Variants in CDH18 observed in about 807,000 individuals in gnomAD.
CDH18 encodes cadherin 18, also known as cadherin-18.
A neutral mutation model predicts 67.9 loss-of-function variants in CDH18; 31 were observed. The ratio of observed to expected loss-of-function variants is 0.46; its 90% confidence interval spans 0.34 to 0.62. The LOEUF is 0.62. Ranked by LOEUF, CDH18 falls within the 20% of genes least tolerant of loss-of-function variation. CDH18 has a pLI of 0.01. For synonymous variants in CDH18, 362 were observed against 347.2 expected (o/e 1.04, Z -0.48); for missense variants, 890 against 975.5 (o/e 0.91, Z 1.17).
intron 2 of CDH18, among the ~76,000 whole-genome samples, chr5:20,064,409 T>C (rs1341633603): frequency 6.6e-6 from 1 of 152,196 alleles, no homozygotes; most frequent in Non-Finnish European, 1.5e-5. Context: ...TTCTTGTTTC[T>C]TGCTCTTAAT....
chr5:19,804,834 C>T (rs1777866991), intron 3 of CDH18, among the ~76,000 whole-genome samples: 1 of 152,132 alleles, frequency 6.6e-6, no homozygotes, highest in African/African-American at 2.4e-5. Context: ...CTTCTTCTAT[C>T]ACTAGTCAAT....
chr5:20,178,732 C>G (rs1737442328), intron 2 of CDH18, among the ~76,000 whole-genome samples: 1 of 151,924 alleles, frequency 6.6e-6, no homozygotes. Flanking sequence ...ATTTGCAGTT[C>G]TCAAAGCATT....
chr5:20,503,111 G>A (rs1754436049), intron 1 of CDH18, among the ~76,000 whole-genome samples: 1 of 151,764 alleles, frequency 6.6e-6, no homozygotes, highest in Non-Finnish European at 1.5e-5. Context: ...TCAACTATTA[G>A]TTTCACATTA....
chr5:20,454,438 GT>G (rs1750691519), intron 1 of CDH18, among the ~76,000 whole-genome samples: 1 of 152,028 alleles, frequency 6.6e-6, no homozygotes, highest in Non-Finnish European at 1.5e-5. Context: ...TAAAATTGCT[GT>G]GTAGAAAATA....
chr5:19,910,035 AGTAGATTTTTCTCTTCT>A (rs1790954338), intron 2 of CDH18, among the ~76,000 whole-genome samples: 1 of 152,156 alleles, frequency 6.6e-6, no homozygotes, highest in South Asian at 2.1e-4. Context: ...GGGTCTCCCA[AGTAGATTTTTCTCTTCT>A]GTTAATGTTA....
At chr5:20,305,400 T>G in intron 1 of CDH18, 1 of 1,544,882 alleles carries the variant, frequency 6.5e-7, no homozygotes, top group East Asian at 2.3e-5. Context: ...CAGCTTCATC[T>G]TCTTGATCCC....
chr5:19,505,194 C>T (rs10057541), intron 10 of CDH18, among the ~76,000 whole-genome samples: 15,621 of 151,970 alleles, frequency 0.1, 1,289 homozygotes, highest in African/African-American at 0.24. Context: ...CTGAAGTTGC[C>T]TATCAGCTTA....
At chr5:19,538,445 T>C (rs1433971460) in intron 9 of CDH18, among the ~76,000 whole-genome samples, 2 of 152,322 alleles carry the variant, frequency 1.3e-5, no homozygotes, top group Admixed American at 1.3e-4. Flanking sequence ...CTGTGATATA[T>C]GATGAGAATA....
chr5:19,810,345 A>G (rs1178208450), intron 3 of CDH18, among the ~76,000 whole-genome samples: 3 of 126,472 alleles, frequency 2.4e-5, no homozygotes, highest in African/African-American at 9.0e-5. Context: ...AAAATAAAAT[A>G]AAAATAAAAT....
chr5:19,723,802 CT>C (rs1766441822), intron 4 of CDH18, among the ~76,000 whole-genome samples: 1 of 152,096 alleles, frequency 6.6e-6, no homozygotes, highest in Non-Finnish European at 1.5e-5. Context: ...CAACCTCCAC[CT>C]CCCGAGTTCA....
rs1253443576 is a variant in CDH18 at position 19,765,873 on chromosome 5, C to T, written c.229-18637G>A. Among the ~76,000 whole-genome samples the T allele has an allele frequency of 3.9e-5, 4 of 103,268 alleles. No homozygotes were observed. In the Admixed American group the frequency reaches 5.3e-4, roughly 14 times the overall value. 67.7% of individuals were successfully genotyped at this position (103,268 alleles called of 152,430 possible). A position where few individuals can be genotyped will look rare whatever the true frequency, so the allele number is the denominator to read the frequency against. ...GTTCATTAAAAATGGAAATTTTATT[C>T]AAAAAACATTTTTTTTTTTCTTTTG... On this transcript the variant is annotated intron_variant, in intron 3 of 12. Transcript: ENST00000382275.
chr5:20,308,079 CTTTTTTTTTTTTTT>C (rs759117114), intron 1 of CDH18, among the ~76,000 whole-genome samples: 1 of 85,438 alleles, frequency 1.2e-5, no homozygotes, highest in Non-Finnish European at 2.2e-5. Context: ...AATACTACTG[CTTTTTTTTTTTTTT>C]TTTTTTTTTT....
chr5:19,738,888 G>A (rs542028928), intron 4 of CDH18, among the ~76,000 whole-genome samples: 47 of 152,118 alleles, frequency 3.1e-4, no homozygotes, highest in East Asian at 1.2e-3. Flanking sequence ...TTCATATACC[G>A]TTGAACTTAA....
intron 2 of CDH18, among the ~76,000 whole-genome samples, chr5:19,879,341 G>A (rs935482353): frequency 2.6e-5 from 4 of 151,864 alleles, no homozygotes; most frequent in Admixed American, 1.3e-4. Flanking sequence ...CTTAGCTCTA[G>A]TATGGGGGAG....
chr5:19,882,596 A>G (rs894396339), intron 2 of CDH18, among the ~76,000 whole-genome samples: 2 of 152,122 alleles, frequency 1.3e-5, no homozygotes, highest in African/African-American at 4.8e-5. Context: ...TCACTGTTTT[A>G]CTTTAGTTTC....
intron 2 of CDH18, among the ~76,000 whole-genome samples, chr5:20,227,634 TTTTTA>T (rs1446280621): frequency 1.3e-5 from 2 of 152,050 alleles, no homozygotes; most frequent in Non-Finnish European, 2.9e-5. Context: ...TCTATCAGGA[TTTTTA>T]TTTTATTTTT....
intron 5 of CDH18, among the ~76,000 whole-genome samples, chr5:19,680,271 T>C (rs1292715620): frequency 6.6e-6 from 1 of 151,744 alleles, no homozygotes; most frequent in African/African-American, 2.4e-5. Context: ...TATAAAAAAA[T>C]CAACTCAAGA....
At chr5:19,895,840 T>G (rs1186184509) in intron 2 of CDH18, among the ~76,000 whole-genome samples, 1 of 152,128 alleles carries the variant, frequency 6.6e-6, no homozygotes, top group Non-Finnish European at 1.5e-5. Flanking sequence ...GTAAGTAATT[T>G]CCAGGGGTGA....
intron 2 of CDH18, among the ~76,000 whole-genome samples, chr5:20,055,990 C>CTTTTTTTT (rs34736791): frequency 9.5e-5 from 7 of 73,804 alleles, no homozygotes; most frequent in East Asian, 4.0e-4. Flanking sequence ...TTTTGGTTTC[C>CTTTTTTTT]TTTTTTTTTT....
Sources: allele counts gnomAD v4.1 joint callset (sites outside exome capture counted in the v4.1 genomes callset), GRCh38; gene constraint gnomAD v4.1.1; transcripts MANE v1.5; gene names NCBI Gene and HGNC (gene_info 2026-07-23, HGNC 2026-07-21).